Variants in NDRG1 observed in about 807,000 individuals in gnomAD.
NDRG1 encodes the protein protein NDRG1.
NDRG1 carries 32 observed loss-of-function variants against 56.9 expected under a neutral mutation model. The ratio of observed to expected loss-of-function variants is 0.56; its 90% CI spans 0.42 to 0.76. The LOEUF is 0.76. Among genes scored for constraint, NDRG1 ranks in the 30% least tolerant of loss-of-function variants. NDRG1 has a pLI of 0.00. For synonymous variants in NDRG1, 211 were observed against 204.1 expected (o/e 1.03, Z -0.29); for missense variants, 507 against 545.7 (o/e 0.93, Z 0.71).
intron 3 of NDRG1, among the ~76,000 whole-genome samples, chr8:133,271,847 GGT>G (rs10605647): frequency 0.65 from 96,904 of 147,964 alleles, 33,897 homozygotes; most frequent in East Asian, 1. Flanking sequence ...AACCAGGGGA[GGT>G]GTGTGTGTAG....
intron 3 of NDRG1, among the ~76,000 whole-genome samples, chr8:133,273,447 T>G (rs572379208): frequency 2.6e-5 from 4 of 152,176 alleles, no homozygotes; most frequent in Non-Finnish European, 5.9e-5. Flanking sequence ...CCCTCCAGAT[T>G]TTCTGGGCCT....
At chr8:133,251,682 G>A (rs1175142611) in intron 9 of NDRG1, among the ~76,000 whole-genome samples, 2 of 152,178 alleles carry the variant, frequency 1.3e-5, no homozygotes, top group African/African-American at 2.4e-5. Context: ...TCGTAAAAGG[G>A]GAAAGAGGAC....
intron 11 of NDRG1, 74 bp from the exon 12 acceptor site, chr8:133,248,000 C>A: frequency 7.0e-7 from 1 of 1,437,944 alleles, no homozygotes; most frequent in Middle Eastern, 2.2e-4. Context: ...GCCTGCCAGG[C>A]TGGGGCCTGC....
chr8:133,286,469 A>G (rs1034898703), intron 1 of NDRG1, among the ~76,000 whole-genome samples: 1 of 152,082 alleles, frequency 6.6e-6, no homozygotes. Context: ...CGTTTCCTCT[A>G]TCTGGTGAAA....
In NDRG1 at chr8:133,265,534, C is replaced by T. The variant is rs1856874609; in HGVS notation, c.100-882G>A. 2.0e-5 allele frequency among the ~76,000 whole-genome samples: 3 copies of T among 152,196 alleles called. No homozygotes were observed. The South Asian group carries it at 6.2e-4, about 32-fold the overall frequency. ...CTGAATGATACCATGCCCATCCTCCCTCCTGCCCTTCCTTCTTGTTGAGCC... is the reference window on the plus strand; with the variant it reads ...CTGAATGATACCATGCCCATCCTCCTTCCTGCCCTTCCTTCTTGTTGAGCC... On this transcript the variant is annotated intron_variant, in intron 3 of 15. Coordinates refer to ENST00000323851, the MANE Select transcript of NDRG1 (RefSeq NM_006096.4).
chr8:133,265,620 C>A (rs1190226603), intron 3 of NDRG1, among the ~76,000 whole-genome samples: 10 of 152,090 alleles, frequency 6.6e-5, no homozygotes, highest in Admixed American at 2.0e-4. Context: ...AGCCAGCTTA[C>A]TCCCAGTCAT....
chr8:133,249,605 T>C (rs1206879116), intron 10 of NDRG1: 2 of 153,368 alleles, frequency 1.3e-5, no homozygotes, highest in Non-Finnish European at 2.9e-5. Flanking sequence ...GTTTCCTCTG[T>C]GTCTCCAGCG....
intron 9 of NDRG1, among the ~76,000 whole-genome samples, chr8:133,250,943 T>A (rs933159394): frequency 6.7e-6 from 1 of 148,910 alleles, no homozygotes; most frequent in Non-Finnish European, 1.5e-5. Flanking sequence ...AGAGAGAGAA[T>A]GTTGCCTACT....
intron 3 of NDRG1, among the ~76,000 whole-genome samples, chr8:133,267,595 G>A (rs1319581693): frequency 6.6e-6 from 1 of 152,178 alleles, no homozygotes; most frequent in Non-Finnish European, 1.5e-5. Context: ...TCATCTGCTG[G>A]GCCCAGCCCA....
chr8:133,257,104 C>A (rs1227963833), intron 7 of NDRG1, among the ~76,000 whole-genome samples: 1 of 152,224 alleles, frequency 6.6e-6, no homozygotes, highest in East Asian at 1.9e-4. Context: ...AGGAAGCCCG[C>A]TGCTTTGCAG....
chr8:133,248,898 G>A (rs1586418325), intron 10 of NDRG1, 127 bp from the exon 11 acceptor site: 1 of 990,280 alleles, frequency 1.0e-6, no homozygotes, highest in East Asian at 2.5e-5. Context: ...TCCCCAACTT[G>A]AGAGAGGCCC....
At position 133,284,124 on chromosome 8, in the gene NDRG1, C is replaced by A; in HGVS notation, c.63+125G>T. 3 of 843,436 alleles carry A rather than the reference C, an allele frequency of 3.6e-6. No individual in the cohort carries two copies. The South Asian group carries it at 4.2e-5, about 12-fold the overall frequency. The allele number at this position is 843,436 out of a possible 1,614,324, so 52.2% of individuals were successfully genotyped here. A position where few individuals can be genotyped will look rare whatever the true frequency, so the allele number is the denominator to read the frequency against. The stretch of plus-strand genomic sequence containing the variant: ...AGCATGTTTGTATGCCGTGTGTATG[C>A]TGTATACATGTGTATTTGTGCAGTG... On this transcript the variant is annotated intron_variant, in intron 2 of 15. Coordinates refer to ENST00000323851, the MANE Select transcript of NDRG1 (RefSeq NM_006096.4).
At chr8:133,265,524 C>T (rs939928974) in intron 3 of NDRG1, among the ~76,000 whole-genome samples, 1 of 152,172 alleles carries the variant, frequency 6.6e-6, no homozygotes, top group East Asian at 1.9e-4. Context: ...TGATACCATG[C>T]CCATCCTCCC....
chr8:133,275,389 T>TA (rs1857400899), intron 3 of NDRG1, among the ~76,000 whole-genome samples: 1 of 152,364 alleles, frequency 6.6e-6, no homozygotes, highest in South Asian at 2.1e-4. Context: ...CTGAGCCTGT[T>TA]AACAGCTTAC....
At chr8:133,244,098 A>G (rs1262700089) in intron 14 of NDRG1, among the ~76,000 whole-genome samples, 1 of 152,200 alleles carries the variant, frequency 6.6e-6, no homozygotes, top group Non-Finnish European at 1.5e-5. Flanking sequence ...AGACATACCC[A>G]GATTCTGACC....
chr8:133,268,222 A>C (rs1450259692), intron 3 of NDRG1, among the ~76,000 whole-genome samples: 2 of 152,080 alleles, frequency 1.3e-5, no homozygotes, highest in Non-Finnish European at 2.9e-5. Context: ...ACACCCTAGA[A>C]AGGAACTTTC....
intron 3 of NDRG1, among the ~76,000 whole-genome samples, chr8:133,265,908 T>G (rs1856895398): frequency 6.6e-6 from 1 of 152,224 alleles, no homozygotes; most frequent in African/African-American, 2.4e-5. Flanking sequence ...CAGTCACTCA[T>G]CTCCCTTGAG....
chr8:133,280,142 G>A (rs982961205), intron 3 of NDRG1, 90 bp downstream of exon 3: 30 of 1,501,114 alleles, frequency 2.0e-5, no homozygotes, highest in African/African-American at 2.8e-5. Flanking sequence ...CGCAATGTTT[G>A]CACAATGATC....
intron 4 of NDRG1, chr8:133,262,402 A>T (rs1167400962): frequency 1.9e-6 from 1 of 539,202 alleles, no homozygotes; most frequent in Non-Finnish European, 3.3e-6. Flanking sequence ...TAGCTGGCAG[A>T]TGAGTCTTGC....
Sources: gnomAD v4.1 joint callset for allele counts (sites outside exome capture counted in the v4.1 genomes callset) on GRCh38, gnomAD v4.1.1 for gene constraint, MANE v1.5 for transcripts, NCBI Gene and HGNC (gene_info 2026-07-23, HGNC 2026-07-21) for gene names.